Variants in CNR1 observed in about 807,000 individuals in gnomAD.
CNR1 encodes cannabinoid receptor 1 (brain).
CNR1 carries 10 observed loss-of-function variants against 23.0 expected under a neutral mutation model. That is an observed-to-expected ratio of 0.43 (90% confidence interval 0.27 to 0.74). The LOEUF (loss-of-function observed/expected upper bound fraction) is 0.74. Among genes scored for constraint, CNR1 ranks in the 30% least tolerant of loss-of-function variants. CNR1 has a pLI of 0.19. For synonymous variants in CNR1, 271 were observed against 255.2 expected (o/e 1.06, Z -0.59); for missense variants, 422 against 618.8 (o/e 0.68, Z 3.37).
At position 88,140,469 on chromosome 6, in the gene CNR1, G is replaced by A. The variant is rs1299054841; in HGVS notation, c.*3387C>T. On this transcript the variant is annotated 3_prime_UTR_variant, in exon 2 of 2. Coordinates refer to ENST00000369501, the MANE Select transcript of CNR1 (RefSeq NM_016083.6). ...TACATTCAGCCCAAATCAGTAGATA[G>A]AATGTTTTTTTCTATATTACAATAG... 6.5e-6 allele frequency: 1 copy of A among 152,786 alleles called. No homozygotes were observed. Among genetic ancestry groups the A allele is most frequent in the Non-Finnish European group, 1.5e-5 (1 of 68,046 alleles). The allele number at this position is 152,786 out of a possible 1,614,324, so 9.5% of individuals were successfully genotyped here.
chr6:88,151,691 A>C (rs988005110), intron 1 of CNR1, among the ~76,000 whole-genome samples: 1 of 151,604 alleles, frequency 6.6e-6, no homozygotes, highest in Non-Finnish European at 1.5e-5. Flanking sequence ...AATATAATAC[A>C]TACTAATTAT....
chr6:88,157,119 C>T (rs890443700), intron 1 of CNR1, among the ~76,000 whole-genome samples: 15 of 152,200 alleles, frequency 9.9e-5, no homozygotes, highest in Non-Finnish European at 1.9e-4. Context: ...GTGACATGCA[C>T]AACCTTGAAT....
At chr6:88,155,137 T>C (rs1777727339) in intron 1 of CNR1, among the ~76,000 whole-genome samples, 1 of 152,218 alleles carries the variant, frequency 6.6e-6, no homozygotes. Flanking sequence ...TGATATCCAA[T>C]TGCACAGCAC....
At chr6:88,164,938 G>A (rs538474154) in intron 1 of CNR1, among the ~76,000 whole-genome samples, 1 of 152,128 alleles carries the variant, frequency 6.6e-6, no homozygotes, top group Non-Finnish European at 1.5e-5. Context: ...TTACATGCCC[G>A]AGGAGGCTTA....
intron 1 of CNR1, among the ~76,000 whole-genome samples, chr6:88,164,495 A>C (rs1275811397): frequency 1.3e-5 from 2 of 152,248 alleles, no homozygotes; most frequent in Non-Finnish European, 2.9e-5. Flanking sequence ...ATAATCTGAA[A>C]GTAATTTGTC....
chr6:88,148,574 A>G (rs1457945093), intron 1 of CNR1, among the ~76,000 whole-genome samples: 2 of 152,206 alleles, frequency 1.3e-5, no homozygotes, highest in Non-Finnish European at 2.9e-5. Flanking sequence ...ATGATCATGT[A>G]ACTTGAATCA....
rs1402196903 is a variant in CNR1 at position 88,141,423 on chromosome 6, T to C, written c.*2433A>G. ...CTTGAAAGCACAACACACTATAAAA[T>C]CTACACTGCATACGCACAAATGCAG... On this transcript the variant is annotated 3_prime_UTR_variant, in exon 2 of 2. Transcript: ENST00000369501. 6.6e-6 allele frequency: 1 copy of C among 152,634 alleles called. No individual in the cohort carries two copies. The highest frequency in any genetic ancestry group is 2.4e-5 in the African/African-American group (1 of 41,456). The allele number at this position is 152,634 out of a possible 1,614,324, so 9.5% of individuals were successfully genotyped here.
At chr6:88,150,051 T>G (rs1381514493) in intron 1 of CNR1, among the ~76,000 whole-genome samples, 1 of 152,218 alleles carries the variant, frequency 6.6e-6, no homozygotes, top group African/African-American at 2.4e-5. Flanking sequence ...TGCCTTTTTC[T>G]TAAAATTAGA....
chr6:88,149,636 T>A (rs958362789), intron 1 of CNR1, among the ~76,000 whole-genome samples: 2 of 152,220 alleles, frequency 1.3e-5, no homozygotes, highest in Non-Finnish European at 2.9e-5. Context: ...GCTCTTTGAA[T>A]ACACCGTCAT....
At chr6:88,155,354 A>T (rs140221703) in intron 1 of CNR1, among the ~76,000 whole-genome samples, 2 of 152,340 alleles carry the variant, frequency 1.3e-5, no homozygotes, top group East Asian at 3.8e-4. Context: ...ATTATATGCC[A>T]GTCATGGAAA....
chr6:88,150,569 C>A (rs1339527799), intron 1 of CNR1, among the ~76,000 whole-genome samples: 1 of 152,166 alleles, frequency 6.6e-6, no homozygotes. Context: ...CCTTAAGGAT[C>A]TGTTAGATGA....
At chr6:88,150,644 C>T (rs1029926114) in intron 1 of CNR1, among the ~76,000 whole-genome samples, 12 of 152,120 alleles carry the variant, frequency 7.9e-5, no homozygotes, top group Non-Finnish European at 1.6e-4. Flanking sequence ...AATGATGCTG[C>T]AATAAATTGA....
upstream of CNR1, among the ~76,000 whole-genome samples, chr6:88,166,655 C>T (rs895561111): frequency 4.6e-5 from 7 of 152,208 alleles, no homozygotes; most frequent in Non-Finnish European, 1.0e-4. Flanking sequence ...TCCCGGATAC[C>T]CTCACACCCT....
Position 88,151,400 on chromosome 6 carries a change from A to C in CNR1, c.-63-6063T>G, listed in dbSNP as rs74542777. Among the ~76,000 whole-genome samples the C allele has an allele frequency of 7.4e-3, 1,121 of 152,262 alleles. 11 individuals are homozygous for C. The highest frequency in any genetic ancestry group is 0.038 in the East Asian group (195 of 5,178). Reference sequence around the variant, plus strand: ...TTCCAACCAGTCAAAGCACCTAGTCAATGGAATTAGGAGTTAGCAGACCAA... The same window carrying C: ...TTCCAACCAGTCAAAGCACCTAGTCCATGGAATTAGGAGTTAGCAGACCAA... On this transcript the variant is annotated intron_variant, in intron 1 of 1. Coordinates refer to ENST00000369501, the MANE Select transcript of CNR1 (RefSeq NM_016083.6).
chr6:88,146,569 C>G (rs1350016576), intron 1 of CNR1, among the ~76,000 whole-genome samples: 3 of 152,184 alleles, frequency 2.0e-5, no homozygotes, highest in African/African-American at 4.8e-5. Context: ...CTTTAAGGTT[C>G]TTCGATTCTA....
chr6:88,165,205 A>G (rs75067869), intron 1 of CNR1, among the ~76,000 whole-genome samples: 2,753 of 152,286 alleles, frequency 0.018, 87 homozygotes, highest in African/African-American at 0.061. Flanking sequence ...TCCGTTTATG[A>G]TTTGTAAGCC....
chr6:88,156,045 T>A (rs1323165613), intron 1 of CNR1, among the ~76,000 whole-genome samples: 1 of 152,156 alleles, frequency 6.6e-6, no homozygotes, highest in Admixed American at 6.5e-5. Flanking sequence ...CTTCCCACCA[T>A]GAGCCATGAG....
intron 1 of CNR1, among the ~76,000 whole-genome samples, chr6:88,160,223 G>A (rs531226093): frequency 6.6e-5 from 10 of 152,034 alleles, no homozygotes; most frequent in South Asian, 2.1e-4. Flanking sequence ...CCCAGGAAGC[G>A]GAGGCTGCAG....
chr6:88,155,099 C>T (rs2127762542), intron 1 of CNR1, among the ~76,000 whole-genome samples: 1 of 152,322 alleles, frequency 6.6e-6, no homozygotes. Context: ...ATCAAGGAGT[C>T]CATAGCAACA....
Sources: gnomAD v4.1 joint callset for allele counts (sites outside exome capture counted in the v4.1 genomes callset) on GRCh38, gnomAD v4.1.1 for gene constraint, MANE v1.5 for transcripts, NCBI Gene and HGNC (gene_info 2026-07-23, HGNC 2026-07-21) for gene names.